The following WBP4 variants were observed in gnomAD, a reference collection of about 807,000 sequenced individuals.
The protein encoded by WBP4 is WW domain-binding protein 4.
WBP4 carries 37 observed loss-of-function variants against 55.4 expected under a neutral mutation model. The observed-to-expected ratio is 0.67, with a 90% CI of 0.51 to 0.88. The LOEUF is 0.88. Among genes scored for constraint, WBP4 ranks in the 40% least tolerant of loss-of-function variants. The probability of loss-of-function intolerance (pLI) is 0.00; values close to 1 mark genes in which losing one functional copy is unlikely to be tolerated. For missense variants in WBP4, 398 were observed against 420.8 expected, an observed-to-expected ratio of 0.95 and a Z score of 0.47; for synonymous variants, 142 against 140.2, an observed-to-expected ratio of 1.01 and a Z score of -0.09.
chr13:41,067,943 G>C (rs948919265), intron 4 of WBP4, among the ~76,000 whole-genome samples: 2 of 151,974 alleles, frequency 1.3e-5, no homozygotes, highest in African/African-American at 4.8e-5. Context: ...TAATAAAAAG[G>C]GGGGAAGGGA....
chr13:41,072,124 A>G (rs920926197), intron 6 of WBP4, among the ~76,000 whole-genome samples: 1 of 151,574 alleles, frequency 6.6e-6, no homozygotes, highest in African/African-American at 2.4e-5. Flanking sequence ...GTTTGCCGTC[A>G]GTTGCCATTC....
intron 6 of WBP4, 65 bp from the exon 7 acceptor site, chr13:41,072,717 C>A: frequency 6.8e-7 from 1 of 1,464,772 alleles, no homozygotes; most frequent in Non-Finnish European, 9.5e-7. Flanking sequence ...GGCTGACTGT[C>A]TGAGTTATTC....
intron 9 of WBP4, 126 bp downstream of exon 9, chr13:41,080,935 C>A: frequency 9.7e-7 from 1 of 1,034,754 alleles, no homozygotes; most frequent in Non-Finnish European, 1.4e-6. Flanking sequence ...AGGCCAGATG[C>A]ACCCCTGTAA....
At position 41,068,674 on chromosome 13, in the gene WBP4, G is replaced by C. The variant is rs766048896; in HGVS notation, c.376G>C (p.Gly126Arg). ...GAAAAGAAAAAAAGATCCTTCAAAG[G>C]GCAGATGGGTAGAAGGCATAACCTC... is the stretch of plus-strand genomic sequence containing the variant. ...KKKRKKDPSK[G>R]RWVEGITSEG... is the part of the protein sequence containing the mutation. Residue 126 changes from glycine (G) to arginine (R), a missense_variant, in exon 5 of 10, where the codon GGC becomes CGC. Gly to Arg is a moderately radical substitution (Grantham distance 125). Transcript: ENST00000379487. The C allele has an allele frequency of 1.2e-6, 2 of 1,613,354 alleles. No homozygotes were observed. Among genetic ancestry groups the C allele is most frequent in the South Asian group, 2.2e-5 (2 of 90,984 alleles).
chr13:41,066,101 A>C (rs1234489369), intron 4 of WBP4, among the ~76,000 whole-genome samples: 1 of 152,202 alleles, frequency 6.6e-6, no homozygotes, highest in Non-Finnish European at 1.5e-5. Context: ...AAAGGTGGGA[A>C]AGTTGTTTGG....
Position 41,061,564 on chromosome 13 carries a change from G to T in WBP4, c.-110G>T. The T allele has an allele frequency of 6.5e-7, 1 of 1,549,550 alleles. No individual in the cohort carries two copies. The highest frequency in any genetic ancestry group is 2.3e-5 in the East Asian group (1 of 44,380). On this transcript the variant is annotated 5_prime_UTR_variant, in exon 1 of 10. Transcript: ENST00000379487. ...GGGACTGAGTAAGGTGTCTGGATCG[G>T]AGGGAGGTTCGGGTGGGCATCGGGC...
Position 41,061,551 on chromosome 13 carries a change from G to A in WBP4, c.-123G>A. ...AACGCTGGTCCCGGGGACTGAGTAA[G>A]GTGTCTGGATCGGAGGGAGGTTCGG... On this transcript the variant is annotated 5_prime_UTR_variant, in exon 1 of 10. Transcript: ENST00000379487. 1 of 1,471,850 alleles carries A rather than the reference G, an allele frequency of 6.8e-7. No homozygotes were observed. The highest frequency in any genetic ancestry group is 2.3e-5 in the East Asian group (1 of 43,816). 91.2% of individuals were successfully genotyped at this position (1,471,850 alleles called of 1,614,324 possible). A position where few individuals can be genotyped will look rare whatever the true frequency, so the allele number is the denominator to read the frequency against.
intron 5 of WBP4, among the ~76,000 whole-genome samples, chr13:41,071,219 G>T (rs17061758): frequency 6.6e-6 from 1 of 152,174 alleles, no homozygotes; most frequent in African/African-American, 2.4e-5. Context: ...ATATCAAAAG[G>T]CCTTTGAAAC....
intron 8 of WBP4, 31 bp downstream of exon 8, chr13:41,076,268 A>ATTT (rs1878484349): frequency 1.5e-6 from 2 of 1,321,232 alleles, no homozygotes; most frequent in East Asian, 3.0e-5. Context: ...CTTCACATCA[A>ATTT]ATTTTTTTTT....
intron 4 of WBP4, among the ~76,000 whole-genome samples, chr13:41,067,263 C>G (rs1345084832): frequency 6.6e-6 from 1 of 152,192 alleles, no homozygotes; most frequent in African/African-American, 2.4e-5. Context: ...CAAAACTACC[C>G]ATTTTTTCAA....
chr13:41,081,444 G>T (rs1878771894), intron 9 of WBP4, among the ~76,000 whole-genome samples: 1 of 142,128 alleles, frequency 7.0e-6, no homozygotes, highest in Admixed American at 7.3e-5. Flanking sequence ...ACTGCAGTGA[G>T]CCATGTTCAC....
At chr13:41,063,611 C>G (rs545469550) in intron 2 of WBP4, among the ~76,000 whole-genome samples, 1 of 152,098 alleles carries the variant, frequency 6.6e-6, no homozygotes, top group East Asian at 1.9e-4. Context: ...TTGGAGGTAC[C>G]TAGGCTGTAA....
chr13:41,076,925 T>G (rs763848841), intron 8 of WBP4, among the ~76,000 whole-genome samples: 14 of 152,190 alleles, frequency 9.2e-5, no homozygotes, highest in Non-Finnish European at 1.9e-4. Context: ...TCACAATGAT[T>G]ATAGCCAGCC....
chr13:41,078,319 G>C (rs1488535121), intron 8 of WBP4, among the ~76,000 whole-genome samples: 1 of 152,092 alleles, frequency 6.6e-6, no homozygotes, highest in Non-Finnish European at 1.5e-5. Flanking sequence ...ACAGAATAGA[G>C]AACCCAGAAA....
At chr13:41,073,375 T>A (rs1878334999) in intron 7 of WBP4, among the ~76,000 whole-genome samples, 1 of 150,988 alleles carries the variant, frequency 6.6e-6, no homozygotes, top group Admixed American at 6.6e-5. Context: ...ATTAGCCGGG[T>A]GTGGTGGCAC....
chr13:41,075,602 C>T (rs557777436), intron 7 of WBP4, among the ~76,000 whole-genome samples: 3 of 152,214 alleles, frequency 2.0e-5, no homozygotes, highest in South Asian at 2.1e-4. Context: ...GCTGGTCTCA[C>T]ACTCCTGAGT....
intron 5 of WBP4, among the ~76,000 whole-genome samples, chr13:41,069,495 T>C (rs1286549685): frequency 1.3e-5 from 2 of 151,930 alleles, no homozygotes; most frequent in African/African-American, 2.4e-5. Context: ...ACCCCGTCTC[T>C]ACTGAAAAAA....
At chr13:41,075,421 C>T (rs564246368) in intron 7 of WBP4, among the ~76,000 whole-genome samples, 7 of 152,096 alleles carry the variant, frequency 4.6e-5, no homozygotes, top group Non-Finnish European at 8.8e-5. Context: ...TTGCTCTGTC[C>T]CCCAGACTGG....
chr13:41,061,961 T>C (rs1877672883), intron 1 of WBP4: 18 of 887,960 alleles, frequency 2.0e-5, no homozygotes, highest in Non-Finnish European at 2.3e-5. Flanking sequence ...CGCAGTGCTC[T>C]CTCTACGACG....
Sources: allele counts gnomAD v4.1 joint callset (sites outside exome capture counted in the v4.1 genomes callset), GRCh38; gene constraint gnomAD v4.1.1; transcripts MANE v1.5; gene names NCBI Gene and HGNC (gene_info 2026-07-23, HGNC 2026-07-21).